PPFIA2: variants seen among roughly 807,000 people sequenced by gnomAD.
PPFIA2 encodes liprin-alpha-2.
Under a neutral mutation model 175.5 loss-of-function variants are expected in PPFIA2, and 46 were observed. That is an observed-to-expected ratio of 0.26 (90% CI 0.21 to 0.34). The LOEUF is 0.34. Among genes scored for constraint, PPFIA2 ranks in the 10% least tolerant of loss-of-function variants. PPFIA2 has a pLI of 1.00. For missense variants in PPFIA2, 1,179 were observed against 1,506.1 expected (o/e 0.78, Z 3.60); for synonymous variants, 568 against 511.4 (o/e 1.11, Z -1.49).
intron 8 of PPFIA2, among the ~76,000 whole-genome samples, chr12:81,392,850 A>G (rs890112389): frequency 3.3e-5 from 5 of 151,908 alleles, no homozygotes; most frequent in African/African-American, 1.2e-4. Flanking sequence ...ACTTTCTCCA[A>G]AAACGGTGGA....
chr12:81,583,877 T>A (rs565763992), intron 4 of PPFIA2, among the ~76,000 whole-genome samples: 1 of 152,050 alleles, frequency 6.6e-6, no homozygotes, highest in South Asian at 2.1e-4. Flanking sequence ...TGGCCAGCCA[T>A]AAACCATGGC....
chr12:81,739,633 T>C (rs76477186), intron 3 of PPFIA2, among the ~76,000 whole-genome samples: 6,028 of 152,076 alleles, frequency 0.04, 151 homozygotes, highest in Middle Eastern at 0.065. Flanking sequence ...TCAATGCATC[T>C]TATAAACTCT....
chr12:81,678,861 T>G (rs569464048), intron 3 of PPFIA2, among the ~76,000 whole-genome samples: 23 of 151,796 alleles, frequency 1.5e-4, no homozygotes, highest in Non-Finnish European at 3.1e-4. Flanking sequence ...TATATCGGCA[T>G]TTTTTGGGTC....
chr12:81,648,746 T>C (rs1567712814), intron 4 of PPFIA2, among the ~76,000 whole-genome samples: 1 of 151,896 alleles, frequency 6.6e-6, no homozygotes, highest in Non-Finnish European at 1.5e-5. Context: ...AGGATTAGTA[T>C]AAAATTGCAG....
intron 4 of PPFIA2, among the ~76,000 whole-genome samples, chr12:81,671,054 G>A (rs1001739428): frequency 2.0e-5 from 3 of 151,884 alleles, no homozygotes; most frequent in African/African-American, 4.8e-5. Flanking sequence ...AGCTTTAAAT[G>A]AGACCTCACC....
intron 3 of PPFIA2, among the ~76,000 whole-genome samples, chr12:81,708,527 C>T (rs547034489): frequency 6.6e-6 from 1 of 152,148 alleles, no homozygotes; most frequent in South Asian, 2.1e-4. Flanking sequence ...GCTGAGTTAA[C>T]ATGAAGCAAT....
intron 15 of PPFIA2, among the ~76,000 whole-genome samples, chr12:81,361,321 TCTC>T (rs1185989091): frequency 1.3e-5 from 2 of 151,662 alleles, no homozygotes; most frequent in African/African-American, 4.8e-5. Flanking sequence ...TACCAGTTCT[TCTC>T]CTTCTCCTTC....
At chr12:81,636,855 G>A (rs933997190) in intron 4 of PPFIA2, among the ~76,000 whole-genome samples, 1 of 151,840 alleles carries the variant, frequency 6.6e-6, no homozygotes, top group African/African-American at 2.4e-5. Flanking sequence ...GTTTCACTAT[G>A]TGGGCCAGGC....
chr12:81,659,278 G>A lies in PPFIA2; in HGVS notation c.303+17513C>T, dbSNP rs575153151. The stretch of plus-strand genomic sequence containing the variant: ...AGCAGGGCGAGGCATCACCTCACCC[G>A]GGAAGCGCAAGGGGTCAAGGAATTC... On this transcript the variant is annotated intron_variant, in intron 4 of 32. Coordinates refer to ENST00000549396, the MANE Select transcript of PPFIA2 (RefSeq NM_003625.5). Among the ~76,000 whole-genome samples, 391 of 152,262 alleles carry A rather than the reference G, an allele frequency of 2.6e-3. 4 individuals carry two copies. The highest frequency in any genetic ancestry group is 1.1e-3 in the Non-Finnish European group (73 of 68,036).
chr12:81,574,595 T>A (rs1475997254), intron 4 of PPFIA2, among the ~76,000 whole-genome samples: 7 of 151,882 alleles, frequency 4.6e-5, no homozygotes, highest in Non-Finnish European at 2.9e-5. Flanking sequence ...AGTACCTTTT[T>A]AGTCATATCT....
intron 28 of PPFIA2, among the ~76,000 whole-genome samples, chr12:81,273,374 G>T (rs1321562280): frequency 6.6e-6 from 1 of 152,114 alleles, no homozygotes; most frequent in African/African-American, 2.4e-5. Context: ...AAACAGAAGA[G>T]AATGACAGTT....
intron 14 of PPFIA2, among the ~76,000 whole-genome samples, chr12:81,366,493 T>A (rs1230648910): frequency 6.6e-6 from 1 of 151,644 alleles, no homozygotes; most frequent in African/African-American, 2.4e-5. Flanking sequence ...GTCAAGTCCC[T>A]CCTTCCTGAA....
At chr12:81,297,237 T>A (rs2046689634) in intron 23 of PPFIA2, among the ~76,000 whole-genome samples, 1 of 152,150 alleles carries the variant, frequency 6.6e-6, no homozygotes, top group African/African-American at 2.4e-5. Flanking sequence ...TGTGAGAGAC[T>A]CTGAGCAGAG....
chr12:81,728,998 C>A (rs190871341), intron 3 of PPFIA2, among the ~76,000 whole-genome samples: 2 of 151,304 alleles, frequency 1.3e-5, no homozygotes, highest in African/African-American at 2.4e-5. Context: ...ACCAAAAGAA[C>A]GTACAATTAT....
At chr12:81,633,915 GAGA>G (rs1163650579) in intron 4 of PPFIA2, among the ~76,000 whole-genome samples, 3 of 151,922 alleles carry the variant, frequency 2.0e-5, no homozygotes, top group African/African-American at 7.2e-5. Flanking sequence ...TGCCAAAACT[GAGA>G]AGACCAGGTA....
chr12:81,391,824 CAG>C (rs2040181826), intron 8 of PPFIA2, among the ~76,000 whole-genome samples: 2 of 151,856 alleles, frequency 1.3e-5, no homozygotes, highest in African/African-American at 4.8e-5. Context: ...GCAGAGGAAA[CAG>C]AAAGATCAAA....
intron 3 of PPFIA2, among the ~76,000 whole-genome samples, chr12:81,752,681 G>A (rs978569208): frequency 6.6e-6 from 1 of 152,110 alleles, no homozygotes; most frequent in Non-Finnish European, 1.5e-5. Context: ...ATCTCTATGA[G>A]TTAATAGTAC....
intron 11 of PPFIA2, among the ~76,000 whole-genome samples, chr12:81,369,662 A>G (rs1245014326): frequency 6.6e-6 from 1 of 151,858 alleles, no homozygotes; most frequent in Non-Finnish European, 1.5e-5. Flanking sequence ...TTTAGCTTCC[A>G]TAACATATTG....
At chr12:81,481,154 G>T (rs2058169724) in intron 4 of PPFIA2, among the ~76,000 whole-genome samples, 1 of 152,078 alleles carries the variant, frequency 6.6e-6, no homozygotes, top group Non-Finnish European at 1.5e-5. Context: ...GCTACAAAGT[G>T]AATAAAATAC....
Sources: allele counts gnomAD v4.1 joint callset (sites outside exome capture counted in the v4.1 genomes callset), GRCh38; gene constraint gnomAD v4.1.1; transcripts MANE v1.5; gene names NCBI Gene and HGNC (gene_info 2026-07-23, HGNC 2026-07-21).